The following ABHD2 variants were observed in gnomAD, a reference collection of about 807,000 sequenced individuals.
The protein encoded by ABHD2 is monoacylglycerol lipase ABHD2.
In ABHD2, 20 loss-of-function variants were observed where a neutral mutation model predicts 48.1. The ratio of observed to expected loss-of-function variants is 0.42; its 90% confidence interval spans 0.29 to 0.60. The LOEUF (loss-of-function observed/expected upper bound fraction) is 0.60, where lower values mean the gene tolerates loss of function less well. Among genes scored for constraint, ABHD2 ranks in the 20% least tolerant of loss-of-function variants. ABHD2 has a pLI of 0.24. For synonymous variants in ABHD2, 209 were observed against 214.2 expected (o/e 0.98, Z 0.21); for missense variants, 405 against 550.9 (o/e 0.74, Z 2.65).
chr15:89,198,235 C>G lies in ABHD2; in HGVS notation c.*2812C>G, dbSNP rs2051434535. The stretch of plus-strand genomic sequence containing the variant: ...ATCAAATTGAGGCTATAAATTGCAT[C>G]AATCTGGACAATTCCATTGCAGGAA... On this transcript the variant is annotated 3_prime_UTR_variant, in exon 11 of 11. Transcript: ENST00000352732. This position sits in a 1 kb window ranked among gnomAD's most constrained non-coding sequence, Gnocchi z 5.1. 1 of 152,196 alleles carries G rather than the reference C, an allele frequency of 6.6e-6. No individual in the cohort carries two copies. The highest frequency in any genetic ancestry group is 2.4e-5 in the African/African-American group (1 of 41,452). 9.4% of individuals were successfully genotyped at this position (152,196 alleles called of 1,614,324 possible). A position where few individuals can be genotyped will look rare whatever the true frequency, so the allele number is the denominator to read the frequency against.
At chr15:89,123,886 G>T (rs113507885) in intron 3 of ABHD2, among the ~76,000 whole-genome samples, 6,241 of 152,206 alleles carry the variant, frequency 0.041, 417 homozygotes, top group African/African-American at 0.14. Flanking sequence ...GGGGTTATAG[G>T]TGTGAGCCAC....
intron 3 of ABHD2, among the ~76,000 whole-genome samples, chr15:89,130,402 C>G (rs984675506): frequency 4.6e-5 from 7 of 152,204 alleles, no homozygotes; most frequent in Non-Finnish European, 1.0e-4. Context: ...CTCTTACAGG[C>G]TGCTACCGGA....
rs2049626127 is a variant in ABHD2 at position 89,097,182 on chromosome 15, A to G, written c.-107+8619A>G. Among the ~76,000 whole-genome samples the G allele has an allele frequency of 6.6e-6, 1 of 152,212 alleles. No homozygotes were observed. The highest frequency in any genetic ancestry group is 1.5e-5 in the Non-Finnish European group (1 of 68,044). ...ATATAATGAACCTCCAAGCCCCACA[A>G]AACCCATCCCAGCTTTAACAATAAT... On this transcript the variant is annotated intron_variant, in intron 1 of 10. Transcript: ENST00000352732. The surrounding 1 kb of genome is among the most constrained non-coding windows in gnomAD (Gnocchi z 4.2).
chr15:89,117,443 G>A lies in ABHD2; in HGVS notation c.194+922G>A, dbSNP rs970055319. Among the ~76,000 whole-genome samples the A allele has an allele frequency of 7.2e-5, 11 of 152,368 alleles. No homozygotes were observed. In the East Asian group the frequency reaches 1.9e-3, roughly 27 times the overall value. On this transcript the variant is annotated intron_variant, in intron 3 of 10. Coordinates refer to ENST00000352732, the MANE Select transcript of ABHD2 (RefSeq NM_152924.5). Reference sequence around the variant, plus strand: ...ACACATACTGTTTTCAAGAGATGCAGTGTTCACTTTTTCTCTATAGATGTC... The same window carrying A: ...ACACATACTGTTTTCAAGAGATGCAATGTTCACTTTTTCTCTATAGATGTC...
At chr15:89,157,310 A>G (rs1424235735) in intron 5 of ABHD2, among the ~76,000 whole-genome samples, 1 of 152,132 alleles carries the variant, frequency 6.6e-6, no homozygotes, top group Non-Finnish European at 1.5e-5. Context: ...TGTCAGATTG[A>G]CCTCCAGCAA....
intron 3 of ABHD2, among the ~76,000 whole-genome samples, chr15:89,119,333 A>G (rs1246119723): frequency 1.3e-5 from 2 of 152,154 alleles, no homozygotes; most frequent in African/African-American, 4.8e-5. Context: ...AAAAGGATTC[A>G]CTTTATTGCC....
chr15:89,181,181 A>G lies in ABHD2; in HGVS notation c.723-4243A>G, dbSNP rs544435952. 2.3e-5 allele frequency among the ~76,000 whole-genome samples: 3 copies of G among 132,622 alleles called. No homozygotes were observed. The East Asian group carries it at 7.4e-4, about 33-fold the overall frequency. 87.0% of individuals were successfully genotyped at this position (132,622 alleles called of 152,430 possible). A position where few individuals can be genotyped will look rare whatever the true frequency, so the allele number is the denominator to read the frequency against. The stretch of plus-strand genomic sequence containing the variant: ...GCGGAGGTTGCAGTGAGCCGAGATC[A>G]TGCCATTACTGCACTCCAGCCTGGG... On this transcript the variant is annotated intron_variant, in intron 6 of 10. Transcript: ENST00000352732.
intron 7 of ABHD2, among the ~76,000 whole-genome samples, chr15:89,187,764 T>A (rs1393008571): frequency 6.6e-6 from 1 of 152,234 alleles, no homozygotes; most frequent in Non-Finnish European, 1.5e-5. Context: ...TTTTGTTTGT[T>A]TTCCACTCCT....
rs1413947989 is a variant in ABHD2, at chr15:89,104,539, T to C, written c.-106-9186T>C. On this transcript the variant is annotated intron_variant, in intron 1 of 10. Transcript: ENST00000352732. This position sits in a 1 kb window ranked among gnomAD's most constrained non-coding sequence, Gnocchi z 4.4. ...AGTACTGGGGGCACTGGGAGCCTTG[T>C]CTGCTCCCAGTCGGCGTTGGGAAAC... Among the ~76,000 whole-genome samples, 1 of 152,232 alleles carries C rather than the reference T, an allele frequency of 6.6e-6. No homozygotes were observed. Among genetic ancestry groups the C allele is most frequent in the Non-Finnish European group, 1.5e-5 (1 of 68,040 alleles).
At chr15:89,133,069 A>C (rs1276328234) in intron 3 of ABHD2, among the ~76,000 whole-genome samples, 2 of 152,192 alleles carry the variant, frequency 1.3e-5, no homozygotes, top group Admixed American at 1.3e-4. Context: ...ACCCTGGTCA[A>C]GAAGCCTGGC....
the ABHD2 span, among the ~76,000 whole-genome samples, chr15:89,043,625 AAGG>A: frequency 5.2e-3 from 688 of 131,118 alleles, 1 homozygote; most frequent in African/African-American, 0.012. Flanking sequence ...GAGGAGGCGG[AAGG>A]AGGAGGAGGA....
At chr15:89,071,310 A>G in the ABHD2 span, among the ~76,000 whole-genome samples, 1 of 152,206 alleles carries the variant, frequency 6.6e-6, no homozygotes, top group Non-Finnish European at 1.5e-5. Flanking sequence ...AATCCCAGCT[A>G]CTTGGGAGGC....
At position 89,201,719 on chromosome 15, in the gene ABHD2, G is replaced by A. The variant is rs904164624; in HGVS notation, c.*6296G>A. On this transcript the variant is annotated 3_prime_UTR_variant, in exon 11 of 11. Transcript: ENST00000352732. ...GATTTGTAGTGACTACATCTGTGAA[G>A]GGGCCTTTGAATTTGAGGTCTATGG... The A allele has an allele frequency of 4.4e-6, 7 of 1,605,022 alleles. No homozygotes were observed. Among genetic ancestry groups the A allele is most frequent in the Non-Finnish European group, 6.0e-6 (7 of 1,171,738 alleles).
At chr15:89,170,392 C>T (rs945582988) in intron 5 of ABHD2, among the ~76,000 whole-genome samples, 9 of 152,054 alleles carry the variant, frequency 5.9e-5, no homozygotes, top group Non-Finnish European at 1.2e-4. Flanking sequence ...CCACCGCGCC[C>T]GGCCAGATTC....
intron 1 of ABHD2, among the ~76,000 whole-genome samples, chr15:89,108,606 CTGTT>C (rs1275565615): frequency 2.6e-5 from 4 of 152,192 alleles, no homozygotes; most frequent in Non-Finnish European, 5.9e-5. Context: ...TCTCTCTGCT[CTGTT>C]TGTTCGTGCT....
rs2051253491 is a variant in ABHD2 at position 89,188,636 on chromosome 15, C to G, written c.926+333C>G. On this transcript the variant is annotated intron_variant, in intron 8 of 10. Coordinates refer to ENST00000352732, the MANE Select transcript of ABHD2 (RefSeq NM_152924.5). This position sits in a 1 kb window ranked among gnomAD's most constrained non-coding sequence, Gnocchi z 4.1. ...CCTGCCTCAACACCAGGGCAAGTGTCAGGTGCCACATAAATCTGCATTTCG... is the reference window on the plus strand; with the variant it reads ...CCTGCCTCAACACCAGGGCAAGTGTGAGGTGCCACATAAATCTGCATTTCG... 1.3e-5 allele frequency among the ~76,000 whole-genome samples: 2 copies of G among 152,216 alleles called. No individual in the cohort carries two copies. Among genetic ancestry groups the G allele is most frequent in the African/African-American group, 4.8e-5 (2 of 41,458 alleles).
chr15:89,108,146 C>T (rs897248949), intron 1 of ABHD2, among the ~76,000 whole-genome samples: 19 of 152,170 alleles, frequency 1.2e-4, no homozygotes, highest in Admixed American at 1.2e-3. Flanking sequence ...AGGACAGGAG[C>T]GTGGAACTCC....
At chr15:89,187,316 T>A (rs2051227136) in intron 7 of ABHD2, among the ~76,000 whole-genome samples, 3 of 152,226 alleles carry the variant, frequency 2.0e-5, no homozygotes, top group Non-Finnish European at 2.9e-5. Context: ...AGCCAAACAT[T>A]TGGAAATTTT....
chr15:89,043,165 AAGAC>A, the ABHD2 span, among the ~76,000 whole-genome samples: 1 of 152,180 alleles, frequency 6.6e-6, no homozygotes, highest in African/African-American at 2.4e-5. Flanking sequence ...GGCTGTGGAG[AAGAC>A]AGACAGAAGT....
Sources: gnomAD v4.1 joint callset for allele counts (sites outside exome capture counted in the v4.1 genomes callset) on GRCh38, gnomAD v4.1.1 for gene constraint, Gnocchi (gnomAD v3.1) non-coding constraint, MANE v1.5 for transcripts, NCBI Gene and HGNC (gene_info 2026-07-23, HGNC 2026-07-21) for gene names.